Variants in ACSM3 observed in about 807,000 individuals in gnomAD.
ACSM3 encodes the protein acyl-CoA synthetase medium chain family member 3.
In ACSM3, 61 loss-of-function variants were observed where a neutral mutation model predicts 74.1. That is an observed-to-expected ratio of 0.82 (90% CI 0.67 to 1.02). The LOEUF (loss-of-function observed/expected upper bound fraction) is 1.02. ACSM3 is among the 50% of genes least tolerant of loss of function. ACSM3 has a pLI of 0.00. For missense variants in ACSM3, 660 were observed against 697.0 expected (o/e 0.95, Z 0.60); for synonymous variants, 213 against 241.5 (o/e 0.88, Z 1.09).
chr16:20,742,306 A>G (rs536411396), intron 1 of ACSM3, among the ~76,000 whole-genome samples: 1 of 152,140 alleles, frequency 6.6e-6, no homozygotes, highest in African/African-American at 2.4e-5. Flanking sequence ...GTGTTCCTTG[A>G]GCCCAGTCGA....
chr16:20,781,656 G>C, intron 6 of ACSM3, 52 bp from the exon 7 acceptor site: 5 of 1,313,254 alleles, frequency 3.8e-6, no homozygotes, highest in Non-Finnish European at 5.5e-6. Flanking sequence ...AGACATTTAA[G>C]CACTTATTTA....
intron 2 of ACSM3, among the ~76,000 whole-genome samples, chr16:20,773,361 G>T (rs2080216559): frequency 6.6e-6 from 1 of 151,518 alleles, no homozygotes; most frequent in Middle Eastern, 3.4e-3. Flanking sequence ...ATTTATTTCT[G>T]CTCTGATCTT....
At chr16:20,722,913 T>C (rs2079790801) in intron 1 of ACSM3, among the ~76,000 whole-genome samples, 1 of 152,238 alleles carries the variant, frequency 6.6e-6, no homozygotes, top group African/African-American at 2.4e-5. Flanking sequence ...TATTATACTT[T>C]AAGTTTTAGG....
chr16:20,675,637 T>A (rs1443194203), intron 1 of ACSM3, among the ~76,000 whole-genome samples: 1 of 152,182 alleles, frequency 6.6e-6, no homozygotes, highest in Non-Finnish European at 1.5e-5. Flanking sequence ...GTTCAAAAGT[T>A]AAGGACATAC....
At position 20,742,060 on chromosome 16, in the gene ACSM3, C is replaced by A. The variant is rs893638996; in HGVS notation, c.-189-7850C>A. 8.8e-6 allele frequency: 12 copies of A among 1,366,680 alleles called. No individual in the cohort carries two copies. In the African/African-American group the frequency reaches 1.8e-4, roughly 20 times the overall value. 84.7% of individuals were successfully genotyped at this position (1,366,680 alleles called of 1,614,324 possible). A position where few individuals can be genotyped will look rare whatever the true frequency, so the allele number is the denominator to read the frequency against. The stretch of plus-strand genomic sequence containing the variant: ...GCTGGCTCCAGCCATATAGCTTCTT[C>A]CACCCAACCTTGGTACCTGTTCCTC... On this transcript the variant is annotated intron_variant, in intron 1 of 3. Coordinates refer to the ACSM3 transcript ENST00000561584.
chr16:20,767,986 T>G (rs531467495), intron 1 of ACSM3, among the ~76,000 whole-genome samples: 4 of 152,354 alleles, frequency 2.6e-5, no homozygotes, highest in South Asian at 4.1e-4. Flanking sequence ...TATTTATGTA[T>G]TGTCAATGGC....
intron 9 of ACSM3, among the ~76,000 whole-genome samples, chr16:20,788,489 C>A (rs2080523216): frequency 6.6e-6 from 1 of 152,144 alleles, no homozygotes; most frequent in South Asian, 2.1e-4. Flanking sequence ...ACTTTTTCTG[C>A]ATCCCCAGTC....
At chr16:20,739,597 G>GATC (rs1445354152) in intron 1 of ACSM3, among the ~76,000 whole-genome samples, 1 of 152,042 alleles carries the variant, frequency 6.6e-6, no homozygotes, top group African/African-American at 2.4e-5. Flanking sequence ...GAGGCAAGCA[G>GATC]ATCACCTGAG....
intron 1 of ACSM3, among the ~76,000 whole-genome samples, chr16:20,712,238 G>A (rs1050940171): frequency 1.3e-5 from 2 of 152,096 alleles, no homozygotes; most frequent in Admixed American, 1.3e-4. Context: ...ACAGCAGAGT[G>A]GAGTAGTTAC....
In ACSM3 at chr16:20,722,400, C is replaced by G. The variant is rs975782662; in HGVS notation, c.-189-27510C>G. 3 of 152,262 alleles carry G rather than the reference C, an allele frequency of 2.0e-5. No individual in the cohort carries two copies. In the East Asian group the frequency reaches 5.8e-4, roughly 29 times the overall value. 9.4% of individuals were successfully genotyped at this position (152,262 alleles called of 1,614,324 possible). A position where few individuals can be genotyped will look rare whatever the true frequency, so the allele number is the denominator to read the frequency against. ...AACATGGTGGCATGAGTTAGCAGTT[C>G]TAGCACACTTTTAAGGGACATAGTG... is the stretch of plus-strand genomic sequence containing the variant. On this transcript the variant is annotated intron_variant, in intron 1 of 3. Transcript: ENST00000561584.
chr16:20,745,054 G>A (rs910890285), intron 1 of ACSM3, among the ~76,000 whole-genome samples: 4 of 152,236 alleles, frequency 2.6e-5, no homozygotes, highest in Non-Finnish European at 5.9e-5. Context: ...CAGCTGCCGG[G>A]GCTGCGTCCA....
chr16:20,758,277 G>A (rs2080047896), intron 3 of ACSM3, among the ~76,000 whole-genome samples: 1 of 152,152 alleles, frequency 6.6e-6, no homozygotes, highest in Non-Finnish European at 1.5e-5. Flanking sequence ...ATTCTTTTTG[G>A]TTGGTAAGCT....
At chr16:20,682,414 G>A in intron 1 of ACSM3, 1 of 1,614,008 alleles carries the variant, frequency 6.2e-7, no homozygotes, top group Non-Finnish European at 8.5e-7. Flanking sequence ...GTAGTCGATA[G>A]AGAATGTCTT....
At chr16:20,694,408 C>T (rs2079678922) in intron 1 of ACSM3, among the ~76,000 whole-genome samples, 1 of 152,162 alleles carries the variant, frequency 6.6e-6, no homozygotes, top group Non-Finnish European at 1.5e-5. Context: ...CTTTACGGCA[C>T]CAAGGAACAA....
At chr16:20,767,824 T>C (rs990198392) in intron 1 of ACSM3, among the ~76,000 whole-genome samples, 1 of 152,198 alleles carries the variant, frequency 6.6e-6, no homozygotes, top group Non-Finnish European at 1.5e-5. Context: ...TGTTTTTGTA[T>C]AGCCTTTGAA....
chr16:20,789,637 T>G, intron 9 of ACSM3: 1 of 977,650 alleles, frequency 1.0e-6, no homozygotes, highest in Non-Finnish European at 1.6e-6. Context: ...TGCTAAATGA[T>G]AAAAGCAGGT....
At chr16:20,715,982 T>A (rs931492739) in intron 1 of ACSM3, among the ~76,000 whole-genome samples, 2 of 152,182 alleles carry the variant, frequency 1.3e-5, no homozygotes, top group African/African-American at 2.4e-5. Flanking sequence ...CACCTTGGTT[T>A]TCCTGTACAT....
rs1178209296 is a variant in ACSM3, at chr16:20,790,744, C to T, written c.1326+56C>T. The T allele has an allele frequency of 1.9e-6, 3 of 1,613,618 alleles. No individual in the cohort carries two copies. Among genetic ancestry groups the T allele is most frequent in the Non-Finnish European group, 1.7e-6 (2 of 1,179,612 alleles). ...TATTTATTTCTCAAGTGCTTGGTAA[C>T]AATCCCTGTTTGCCACAAAACATAC... is the stretch of plus-strand genomic sequence containing the variant. On this transcript the variant is annotated intron_variant, in intron 10 of 13. Transcript: ENST00000289416. This position sits in a 1 kb window ranked among gnomAD's most constrained non-coding sequence, Gnocchi z 4.0.
intron 1 of ACSM3, chr16:20,728,517 T>G: frequency 1.1e-6 from 1 of 869,960 alleles, no homozygotes; most frequent in Non-Finnish European, 1.8e-6. Flanking sequence ...GCTAGTCATG[T>G]CTTAATACAG....
Sources: gnomAD v4.1 joint callset for allele counts (sites outside exome capture counted in the v4.1 genomes callset) on GRCh38, gnomAD v4.1.1 for gene constraint, Gnocchi (gnomAD v3.1) non-coding constraint, MANE v1.5 for transcripts, NCBI Gene and HGNC (gene_info 2026-07-23, HGNC 2026-07-21) for gene names.